Variants in ARHGEF38 observed in about 807,000 individuals in gnomAD.
The protein encoded by ARHGEF38 is Rho guanine nucleotide exchange factor 38.
Under a neutral mutation model 79.9 loss-of-function variants are expected in ARHGEF38, and 79 were observed. That is an observed-to-expected ratio of 0.99 (90% CI 0.82 to 1.19). ARHGEF38 has a LOEUF of 1.19. ARHGEF38 is among the 50% of genes most tolerant of loss of function. The pLI is 0.00. For synonymous variants in ARHGEF38, 366 were observed against 328.3 expected (o/e 1.11, Z -1.24); for missense variants, 962 against 907.2 (o/e 1.06, Z -0.78).
intron 4 of ARHGEF38, among the ~76,000 whole-genome samples, chr4:105,635,448 A>C (rs926164099): frequency 6.6e-6 from 1 of 151,480 alleles, no homozygotes; most frequent in African/African-American, 2.4e-5. Flanking sequence ...AATGAAATAG[A>C]AAAAAAAACC....
chr4:105,607,615 A>G (rs1177758624), intron 2 of ARHGEF38, among the ~76,000 whole-genome samples: 3 of 152,106 alleles, frequency 2.0e-5, no homozygotes, highest in Non-Finnish European at 4.4e-5. Flanking sequence ...AGCAGGGAGT[A>G]ATACAAAGCA....
At chr4:105,610,984 C>A (rs17035971) in intron 2 of ARHGEF38, among the ~76,000 whole-genome samples, 1 of 152,066 alleles carries the variant, frequency 6.6e-6, no homozygotes, top group African/African-American at 2.4e-5. Flanking sequence ...TGGTAAAGAA[C>A]GAAGGCATAG....
intron 2 of ARHGEF38, among the ~76,000 whole-genome samples, chr4:105,590,624 T>G (rs1473113809): frequency 2.0e-5 from 3 of 152,316 alleles, no homozygotes; most frequent in Middle Eastern, 3.4e-3. Context: ...GGTTGAGATG[T>G]TTTGGATGTT....
intron 13 of ARHGEF38, 149 bp downstream of exon 13, chr4:105,667,852 A>G: frequency 1.1e-6 from 1 of 934,608 alleles, no homozygotes; most frequent in Non-Finnish European, 1.6e-6. Flanking sequence ...ATCTTTTTGT[A>G]AGGAGTTTAA....
Position 105,654,151 on chromosome 4 carries a change from C to T in ARHGEF38, c.1095C>T (p.Leu365=). 6.7e-7 allele frequency: 1 copy of T among 1,499,498 alleles called. No homozygotes were observed. The highest frequency in any genetic ancestry group is 1.4e-5 in the African/African-American group (1 of 72,768). 92.9% of individuals were successfully genotyped at this position (1,499,498 alleles called of 1,614,324 possible). Residue 365 remains leucine, a synonymous_variant, in exon 8 of 14, where the codon CTC becomes CTT. Transcript: ENST00000420470. The part of the protein sequence containing the change: ...TVRLCVKNIS[L]CLQHIQDAMP... ...GGCTTTGTGTGAAGAACATTTCACT[C>T]TGTCTTCAACACATACAGGTAGGTG...
At chr4:105,565,277 C>G (rs571655843) in intron 1 of ARHGEF38, among the ~76,000 whole-genome samples, 1 of 152,180 alleles carries the variant, frequency 6.6e-6, no homozygotes, top group Non-Finnish European at 1.5e-5. Flanking sequence ...CTCACTGGCT[C>G]CCCTCCAAAC....
chr4:105,552,701 T>C lies in ARHGEF38; in HGVS notation c.-65T>C. 1 of 1,385,324 alleles carries C rather than the reference T, an allele frequency of 7.2e-7. No homozygotes were observed. The highest frequency in any genetic ancestry group is 2.1e-5 in the Admixed American group (1 of 47,236). The allele number at this position is 1,385,324 out of a possible 1,614,324, so 85.8% of individuals were successfully genotyped here. ...CTCGTCACTCTAGTAGCTTTAACCC[T>C]CACCCTGAGGCACCTTAGCAATCAG... On this transcript the variant is annotated 5_prime_UTR_variant, in exon 1 of 14. Transcript: ENST00000420470.
At chr4:105,662,411 G>A (rs1578359261) in intron 10 of ARHGEF38, among the ~76,000 whole-genome samples, 1 of 151,914 alleles carries the variant, frequency 6.6e-6, no homozygotes, top group East Asian at 1.9e-4. Context: ...TTTAAAAAAT[G>A]CAGTCAGATT....
chr4:105,574,251 A>G (rs1380245655), intron 1 of ARHGEF38, among the ~76,000 whole-genome samples: 3 of 152,074 alleles, frequency 2.0e-5, no homozygotes, highest in Non-Finnish European at 4.4e-5. Flanking sequence ...TACTATGTTG[A>G]AAAGAAGTGG....
chr4:105,568,940 G>T (rs560958571), intron 1 of ARHGEF38, among the ~76,000 whole-genome samples: 1 of 152,242 alleles, frequency 6.6e-6, no homozygotes, highest in Admixed American at 6.5e-5. Flanking sequence ...CTTAAGCTTG[G>T]TATATGAAAT....
At chr4:105,632,217 C>G (rs1392885970) in intron 4 of ARHGEF38, among the ~76,000 whole-genome samples, 1 of 151,978 alleles carries the variant, frequency 6.6e-6, no homozygotes. Context: ...GTCTACTGGT[C>G]ATTAAATTAC....
At chr4:105,673,740 G>A (rs892361537) in intron 13 of ARHGEF38, among the ~76,000 whole-genome samples, 1 of 152,224 alleles carries the variant, frequency 6.6e-6, no homozygotes, top group South Asian at 2.1e-4. Context: ...GGAAGGAAAA[G>A]AAGATACTAA....
At chr4:105,649,937 C>T (rs908958400) in intron 7 of ARHGEF38, among the ~76,000 whole-genome samples, 1 of 152,160 alleles carries the variant, frequency 6.6e-6, no homozygotes, top group African/African-American at 2.4e-5. Flanking sequence ...TGTTTGGGGG[C>T]ACATAACAAA....
intron 5 of ARHGEF38, among the ~76,000 whole-genome samples, chr4:105,639,270 G>A (rs992756415): frequency 4.0e-5 from 6 of 151,784 alleles, no homozygotes; most frequent in African/African-American, 1.5e-4. Flanking sequence ...TCTTTAATTA[G>A]TGCATATTAA....
At chr4:105,568,547 C>A (rs937319223) in intron 1 of ARHGEF38, among the ~76,000 whole-genome samples, 1 of 152,094 alleles carries the variant, frequency 6.6e-6, no homozygotes, top group African/African-American at 2.4e-5. Context: ...TTTTTTAACT[C>A]CAAAGACTAT....
rs1360393953 is a variant in ARHGEF38, at chr4:105,677,826, T to C, written c.2223T>C (p.His741=). The part of the protein sequence containing the change: ...ELSLQEYQRV[H]ILRFCDLSGN... ...GCCTTCAGGAATACCAGAGAGTTCA[T>C]ATACTCAGGTTTTGTGACCTAAGTG... The change falls in exon 14 of 14, where the codon CAT becomes CAC. Residue 741 remains histidine (H), a synonymous_variant. Coordinates refer to ENST00000420470, the MANE Select transcript of ARHGEF38 (RefSeq NM_001242729.2). 5 of 1,535,630 alleles carry C rather than the reference T, an allele frequency of 3.3e-6. No individual in the cohort carries two copies. The South Asian group carries it at 3.6e-5, about 11-fold the overall frequency.
At chr4:105,635,594 C>T (rs1729365923) in intron 4 of ARHGEF38, among the ~76,000 whole-genome samples, 1 of 151,892 alleles carries the variant, frequency 6.6e-6, no homozygotes, top group Non-Finnish European at 1.5e-5. Context: ...TCATTTTCTT[C>T]CCCAGATTTT....
At position 105,670,683 on chromosome 4, in the gene ARHGEF38, G is replaced by GTGAACTCTATTAC. The variant is rs1730929043; in HGVS notation, c.2148+2981_2148+2982insGAACTCTATTACT. On this transcript the variant is annotated intron_variant, in intron 13 of 13. Coordinates refer to ENST00000420470, the MANE Select transcript of ARHGEF38 (RefSeq NM_001242729.2). Reference sequence around the variant, plus strand: ...TATTTCTCTATTACTTGTTCACTCTGTTGTTTATTCAGTTTCTAAAAAACA... The same window carrying GTGAACTCTATTAC: ...TATTTCTCTATTACTTGTTCACTCTGTGAACTCTATTACTTGTTTATTCAGTTTCTAAAAAACA... Among the ~76,000 whole-genome samples the GTGAACTCTATTAC allele has an allele frequency of 8.5e-5, 13 of 152,092 alleles. No homozygotes were observed. The South Asian group carries it at 2.7e-3, about 32-fold the overall frequency.
intron 13 of ARHGEF38, among the ~76,000 whole-genome samples, chr4:105,674,473 G>C (rs1316993223): frequency 6.6e-6 from 1 of 152,004 alleles, no homozygotes; most frequent in Non-Finnish European, 1.5e-5. Flanking sequence ...TGAAGATAAT[G>C]AGAAATCTTT....
Sources: gnomAD v4.1 joint callset for allele counts (sites outside exome capture counted in the v4.1 genomes callset) on GRCh38, gnomAD v4.1.1 for gene constraint, MANE v1.5 for transcripts, NCBI Gene and HGNC (gene_info 2026-07-23, HGNC 2026-07-21) for gene names.